Variants in NSD2 observed in about 807,000 individuals in gnomAD.
The protein encoded by NSD2 is histone-lysine N-methyltransferase NSD2.
In NSD2, 12 loss-of-function variants were observed where a neutral mutation model predicts 139.0. That is an observed-to-expected ratio of 0.09 (90% CI 0.06 to 0.14). NSD2 has a LOEUF of 0.14. Ranked by LOEUF, NSD2 falls within the 10% of genes least tolerant of loss-of-function variation. NSD2 has a pLI of 1.00. For missense variants in NSD2, 1,155 were observed against 1,745.0 expected (o/e 0.66, Z 6.02); for synonymous variants, 669 against 648.7 (o/e 1.03, Z -0.48).
At position 1,884,835 on chromosome 4, in the gene NSD2, G is replaced by C. The variant is rs539484219; in HGVS notation, c.-30+13293G>C. On this transcript the variant is annotated intron_variant, in intron 1 of 21. Coordinates refer to ENST00000508803, the MANE Select transcript of NSD2 (RefSeq NM_001042424.3). ...TAAAATTCAACTGCCTGGGCTGGGC[G>C]TGGTGGCTCACGCCAGTAATCCCAG... is the stretch of plus-strand genomic sequence containing the variant. Among the ~76,000 whole-genome samples, 9 of 152,034 alleles carry C rather than the reference G, an allele frequency of 5.9e-5. No homozygotes were observed. The South Asian group carries it at 1.9e-3, about 31-fold the overall frequency.
At chr4:1,930,584 T>C in intron 5 of NSD2, 42 bp from the exon 6 acceptor site, 1 of 1,554,364 alleles carries the variant, frequency 6.4e-7, no homozygotes, top group South Asian at 1.2e-5. Context: ...CAATGAGTTT[T>C]ACGGATTTAA....
chr4:1,873,187 T>A (rs1330660587), intron 1 of NSD2, among the ~76,000 whole-genome samples: 1 of 152,228 alleles, frequency 6.6e-6, no homozygotes, highest in Non-Finnish European at 1.5e-5. Flanking sequence ...GAGGACTTAC[T>A]GCACAATTTT....
intron 18 of NSD2, among the ~76,000 whole-genome samples, chr4:1,966,473 G>A (rs1431840341): frequency 5.9e-5 from 9 of 152,056 alleles, no homozygotes; most frequent in Non-Finnish European, 1.2e-4. Flanking sequence ...TGGTTAACAC[G>A]GTGAAACCCC....
In NSD2 at chr4:1,918,380, T is replaced by C. The variant is rs778277075; in HGVS notation, c.1167T>C (p.Ser389=). The C allele has an allele frequency of 1.2e-6, 2 of 1,614,088 alleles. No individual in the cohort carries two copies. Among genetic ancestry groups the C allele is most frequent in the Non-Finnish European group, 1.7e-6 (2 of 1,180,030 alleles). ...AAGAAGCTGCTGAAAACCCCAAGTC[T>C]GTGAGAGAAGAGTGCATTCCCATGA... is the stretch of plus-strand genomic sequence containing the variant. ...VSEEAAENPK[S]VREECIPMKR... The change falls in exon 5 of 22, where the codon TCT becomes TCC. Residue 389 remains serine (S), a synonymous_variant. Coordinates refer to ENST00000508803, the MANE Select transcript of NSD2 (RefSeq NM_001042424.3).
chr4:1,916,833 C>T, intron 3 of NSD2, 38 bp from the exon 4 acceptor site: 1 of 1,576,728 alleles, frequency 6.3e-7, no homozygotes, highest in South Asian at 1.2e-5. Flanking sequence ...ATCCCAGATT[C>T]TAACTTTCAT....
At chr4:1,874,170 T>A (rs1714082019) in intron 1 of NSD2, among the ~76,000 whole-genome samples, 1 of 152,234 alleles carries the variant, frequency 6.6e-6, no homozygotes. Context: ...TTTGTTTTGT[T>A]TTTTGGTGGG....
At chr4:1,940,862 G>A (rs1723020024) in intron 9 of NSD2, 32 of 1,057,298 alleles carry the variant, frequency 3.0e-5, no homozygotes, top group Non-Finnish European at 3.5e-5. Context: ...CAACCTGGGC[G>A]GGGCTCATAG....
rs964227140 is a variant in NSD2 at position 1,958,140 on chromosome 4, C to G, written c.2985+104C>G. On this transcript the variant is annotated intron_variant, in intron 16 of 21. Coordinates refer to ENST00000508803, the MANE Select transcript of NSD2 (RefSeq NM_001042424.3). This position sits in a 1 kb window ranked among gnomAD's most constrained non-coding sequence, Gnocchi z 4.6. ...GCTATGGCTGGGGAGAGGACTGTCA[C>G]CAGCCAGGATCTGTGGTGCCTGGCA... is the stretch of plus-strand genomic sequence containing the variant. 2 of 1,172,438 alleles carry G rather than the reference C, an allele frequency of 1.7e-6. No individual in the cohort carries two copies. The highest frequency in any genetic ancestry group is 2.5e-6 in the Non-Finnish European group (2 of 814,382). The allele number at this position is 1,172,438 out of a possible 1,614,324, so 72.6% of individuals were successfully genotyped here. A position where few individuals can be genotyped will look rare whatever the true frequency, so the allele number is the denominator to read the frequency against.
In NSD2 at chr4:1,944,056, G is replaced by A. The variant is rs367649140; in HGVS notation, c.1881+4278G>A. On this transcript the variant is annotated intron_variant, in intron 9 of 21. Transcript: ENST00000508803. ...AATAACCAGGGGCACATGGGGGAAC[G>A]TGGATGGGAATGATAGTGTATCTCA... 1.2e-4 allele frequency: 123 copies of A among 1,065,800 alleles called. 1 individual carries two copies. In the East Asian group the frequency reaches 3.2e-3, roughly 28 times the overall value. 66.0% of individuals were successfully genotyped at this position (1,065,800 alleles called of 1,614,324 possible). A position where few individuals can be genotyped will look rare whatever the true frequency, so the allele number is the denominator to read the frequency against.
At chr4:1,895,940 G>GA (rs1289809648) in intron 1 of NSD2, among the ~76,000 whole-genome samples, 1 of 152,252 alleles carries the variant, frequency 6.6e-6, no homozygotes, top group African/African-American at 2.4e-5. Flanking sequence ...TGACAGCACT[G>GA]TGACCACAGA....
chr4:1,893,395 A>G (rs2108711407), intron 1 of NSD2, among the ~76,000 whole-genome samples: 1 of 152,346 alleles, frequency 6.6e-6, no homozygotes, highest in East Asian at 1.9e-4. Context: ...ACTTGAACCC[A>G]GCGGCAGAGG....
At chr4:1,896,069 T>C (rs1057410824) in intron 1 of NSD2, among the ~76,000 whole-genome samples, 2 of 152,206 alleles carry the variant, frequency 1.3e-5, no homozygotes, top group Non-Finnish European at 2.9e-5. Context: ...GGATGAGTGG[T>C]AGAGGCTCTT....
intron 6 of NSD2, among the ~76,000 whole-genome samples, chr4:1,931,777 T>C (rs988073668): frequency 6.6e-6 from 1 of 152,244 alleles, no homozygotes; most frequent in South Asian, 2.1e-4. Flanking sequence ...GCAAATACTA[T>C]AATTTAGAAT....
At chr4:1,921,022 A>G (rs1720048327) in intron 5 of NSD2, among the ~76,000 whole-genome samples, 1 of 152,220 alleles carries the variant, frequency 6.6e-6, no homozygotes, top group Admixed American at 6.5e-5. Context: ...TGGGCCACAG[A>G]GTGAGACCCT....
Position 1,900,770 on chromosome 4 carries a change from AG to A in NSD2, c.118del (p.Val40Ter). 1 of 1,614,154 alleles carries A rather than the reference AG, an allele frequency of 6.2e-7. No homozygotes were observed. The highest frequency in any genetic ancestry group is 8.5e-7 in the Non-Finnish European group (1 of 1,180,034). ...GSANGKTPSCEVNRECSVFLS... is the reference protein window; with the variant it reads ...GSANGKTPSCXVNRECSVFLS... ...GCCAACGGGAAGACTCCGAGCTGCG[AG>A]GTGAACCGCGAGTGTTCTGTGTTCC... is the stretch of plus-strand genomic sequence containing the variant. On this transcript the variant is annotated frameshift_variant, in exon 2 of 22. Coordinates refer to ENST00000508803, the MANE Select transcript of NSD2 (RefSeq NM_001042424.3). LOFTEE classifies it high-confidence loss of function.
Position 1,900,934 on chromosome 4 carries a change from C to T in NSD2, c.280C>T (p.His94Tyr), listed in dbSNP as rs1260819566. The change falls in exon 2 of 22, where the codon CAC (histidine) becomes TAC (tyrosine). Residue 94 changes from histidine to tyrosine, a missense_variant. Around this residue, in one of 8 missense-constraint regions of NSD2, gnomAD observed 246 missense variants for 262.8 expected, o/e 0.94. Coordinates refer to ENST00000508803, the MANE Select transcript of NSD2 (RefSeq NM_001042424.3). ...GGTGTTTAATGGAGAACCCGGCGCACACGATGCCAAACTGCGTTTTGAGTC... is the reference window on the plus strand; with the variant it reads ...GGTGTTTAATGGAGAACCCGGCGCATACGATGCCAAACTGCGTTTTGAGTC... ...SRVFNGEPGAHDAKLRFESQE... is the reference protein window; with the variant it reads ...SRVFNGEPGAYDAKLRFESQE... The T allele has an allele frequency of 2.5e-6, 4 of 1,614,180 alleles. No individual in the cohort carries two copies. The South Asian group carries it at 3.3e-5, about 13-fold the overall frequency.
At chr4:1,886,269 T>C (rs1715073620) in intron 1 of NSD2, among the ~76,000 whole-genome samples, 1 of 152,176 alleles carries the variant, frequency 6.6e-6, no homozygotes, top group African/African-American at 2.4e-5. Flanking sequence ...TGTGGTGGTA[T>C]GATCTCAGTT....
intron 18 of NSD2, among the ~76,000 whole-genome samples, chr4:1,965,526 A>G (rs989305226): frequency 2.0e-5 from 3 of 152,252 alleles, no homozygotes; most frequent in South Asian, 2.1e-4. Flanking sequence ...AAGAAGCTCA[A>G]TAAACTCCAG....
At chr4:1,914,484 CCTGA>C (rs1184034868) in intron 3 of NSD2, among the ~76,000 whole-genome samples, 1 of 152,084 alleles carries the variant, frequency 6.6e-6, no homozygotes, top group Non-Finnish European at 1.5e-5. Context: ...CGCCACCATG[CCTGA>C]CTAATTTTTT....
Sources: gnomAD v4.1 joint callset for allele counts (sites outside exome capture counted in the v4.1 genomes callset) on GRCh38, gnomAD v4.1.1 for gene constraint, gnomAD v4.1.1 regional missense constraint, Gnocchi (gnomAD v3.1) non-coding constraint, MANE v1.5 for transcripts, NCBI Gene and HGNC (gene_info 2026-07-23, HGNC 2026-07-21) for gene names.